The following GRM8 variants were observed in gnomAD, a reference collection of about 807,000 sequenced individuals.
GRM8 encodes the protein glutamate metabotropic receptor 8, also known as metabotropic glutamate receptor 8.
In GRM8, 47 loss-of-function variants were observed where a neutral mutation model predicts 87.2. The ratio of observed to expected loss-of-function variants is 0.54; its 90% CI spans 0.43 to 0.69. The LOEUF (loss-of-function observed/expected upper bound fraction) is 0.69, where lower values mean the gene tolerates loss of function less well. Among genes scored for constraint, GRM8 ranks in the 30% least tolerant of loss-of-function variants. The pLI is 0.00. For synonymous variants in GRM8, 396 were observed against 404.5 expected (o/e 0.98, Z 0.25); for missense variants, 1,019 against 1,139.2 (o/e 0.89, Z 1.52).
chr7:126,943,859 G>C (rs1278090378), intron 3 of GRM8, among the ~76,000 whole-genome samples: 1 of 152,198 alleles, frequency 6.6e-6, no homozygotes. Context: ...TTTGCTAAAA[G>C]AGCATTTCAC....
intron 6 of GRM8, among the ~76,000 whole-genome samples, chr7:126,815,145 G>T (rs961510265): frequency 1.3e-5 from 2 of 152,084 alleles, no homozygotes; most frequent in African/African-American, 4.8e-5. Context: ...CCAACCTCAT[G>T]TCATGAATAA....
intron 2 of GRM8, among the ~76,000 whole-genome samples, chr7:127,178,998 C>T (rs981581835): frequency 6.6e-6 from 1 of 152,078 alleles, no homozygotes; most frequent in Non-Finnish European, 1.5e-5. Flanking sequence ...ATGAATGCAA[C>T]AGTACCTCAC....
At chr7:126,787,992 T>G (rs553109095) in intron 6 of GRM8, among the ~76,000 whole-genome samples, 1 of 152,266 alleles carries the variant, frequency 6.6e-6, no homozygotes, top group African/African-American at 2.4e-5. Flanking sequence ...GGGGAAAATC[T>G]CCATCTAATT....
chr7:127,011,004 T>C (rs1216131588), intron 3 of GRM8, among the ~76,000 whole-genome samples: 1 of 152,120 alleles, frequency 6.6e-6, no homozygotes, highest in African/African-American at 2.4e-5. Context: ...TACCATCTAG[T>C]TCATTATTAC....
At chr7:126,602,815 A>T (rs1797948997) in intron 8 of GRM8, among the ~76,000 whole-genome samples, 1 of 148,746 alleles carries the variant, frequency 6.7e-6, no homozygotes, top group African/African-American at 2.5e-5. Flanking sequence ...TACAAGGAGG[A>T]ACTGGTACCA....
intron 6 of GRM8, among the ~76,000 whole-genome samples, chr7:126,783,641 T>A (rs17683462): frequency 6.6e-6 from 1 of 152,188 alleles, no homozygotes; most frequent in Non-Finnish European, 1.5e-5. Context: ...TCATTGCAAA[T>A]AGTAACAAAT....
chr7:126,858,829 A>C (rs955340713), intron 6 of GRM8, among the ~76,000 whole-genome samples: 2 of 152,212 alleles, frequency 1.3e-5, no homozygotes, highest in African/African-American at 4.8e-5. Flanking sequence ...AAATAAAGCC[A>C]ATTGAGGTCT....
chr7:126,711,261 G>A (rs1811068222), intron 7 of GRM8, among the ~76,000 whole-genome samples: 2 of 152,288 alleles, frequency 1.3e-5, no homozygotes, highest in South Asian at 2.1e-4. Flanking sequence ...AAGAACAGAT[G>A]TTATGTTAGC....
At chr7:127,068,921 G>T (rs1374951075) in intron 3 of GRM8, among the ~76,000 whole-genome samples, 1 of 152,146 alleles carries the variant, frequency 6.6e-6, no homozygotes, top group Non-Finnish European at 1.5e-5. Flanking sequence ...ACTTAAGCAT[G>T]TGTGGACAGA....
At position 126,904,547 on chromosome 7, in the gene GRM8, C is replaced by T; in HGVS notation, c.863+1G>A. 6.2e-7 allele frequency: 1 copy of T among 1,613,026 alleles called. No homozygotes were observed. The highest frequency in any genetic ancestry group is 8.5e-7 in the Non-Finnish European group (1 of 1,179,092). On this transcript the variant is annotated splice_donor_variant, in intron 4 of 10. Coordinates refer to ENST00000339582, the MANE Select transcript of GRM8 (RefSeq NM_000845.3). LOFTEE classifies it high-confidence loss of function. ...ACATACAGAAGAAAAGTAATCAGCA[C>T]CTGATGTCATCCTCATTGGCAAACA...
intron 8 of GRM8, among the ~76,000 whole-genome samples, chr7:126,602,655 T>C (rs1457388735): frequency 6.8e-6 from 1 of 148,028 alleles, no homozygotes; most frequent in Non-Finnish European, 1.5e-5. Flanking sequence ...TCACATCCCT[T>C]GTAAGTTGGA....
intron 3 of GRM8, among the ~76,000 whole-genome samples, chr7:126,984,551 A>C (rs940617812): frequency 2.6e-5 from 4 of 152,168 alleles, no homozygotes; most frequent in African/African-American, 9.7e-5. Flanking sequence ...CCAGACTCCA[A>C]ATTCTTCAGC....
chr7:127,067,418 T>C (rs1821236032), intron 3 of GRM8, among the ~76,000 whole-genome samples: 1 of 152,192 alleles, frequency 6.6e-6, no homozygotes. Context: ...CACAGAATTC[T>C]ACCCAATCAA....
intron 3 of GRM8, among the ~76,000 whole-genome samples, chr7:127,096,756 G>GT (rs1300586234): frequency 6.6e-6 from 1 of 152,156 alleles, no homozygotes; most frequent in African/African-American, 2.4e-5. Flanking sequence ...AACCCAGCCA[G>GT]TGAGAAGTTC....
intron 3 of GRM8, among the ~76,000 whole-genome samples, chr7:127,023,060 A>G (rs533831154): frequency 2.9e-4 from 44 of 152,224 alleles, no homozygotes; most frequent in African/African-American, 1.1e-3. Flanking sequence ...GTAACTGCAC[A>G]CTTCCACTTA....
intron 7 of GRM8, among the ~76,000 whole-genome samples, chr7:126,752,380 T>C (rs1201005057): frequency 6.6e-6 from 1 of 152,178 alleles, no homozygotes; most frequent in Non-Finnish European, 1.5e-5. Context: ...TGCTATACTT[T>C]CCAGAAGCTT....
chr7:127,057,809 C>CA (rs199901156), intron 3 of GRM8, among the ~76,000 whole-genome samples: 2,463 of 141,206 alleles, frequency 0.017, 47 homozygotes, highest in African/African-American at 0.051. Context: ...TCATATCCCA[C>CA]AAAAAAAAAA....
At chr7:126,470,708 T>C (rs1376280386) in intron 9 of GRM8, among the ~76,000 whole-genome samples, 1 of 152,174 alleles carries the variant, frequency 6.6e-6, no homozygotes, top group African/African-American at 2.4e-5. Context: ...ATATACCCAG[T>C]AATGGGATTA....
intron 9 of GRM8, among the ~76,000 whole-genome samples, chr7:126,526,727 C>T (rs1234681891): frequency 6.6e-6 from 1 of 152,120 alleles, no homozygotes; most frequent in African/African-American, 2.4e-5. Flanking sequence ...ATATGTAGCA[C>T]AATCAGAAAA....
Sources: allele counts gnomAD v4.1 joint callset (sites outside exome capture counted in the v4.1 genomes callset), GRCh38; gene constraint gnomAD v4.1.1; transcripts MANE v1.5; gene names NCBI Gene and HGNC (gene_info 2026-07-23, HGNC 2026-07-21).